C4orf50: variants seen among roughly 807,000 people sequenced by gnomAD.
The protein encoded by C4orf50 is uncharacterized protein C4orf50.
Under a neutral mutation model 77.2 loss-of-function variants are expected in C4orf50, and 80 were observed. That is an observed-to-expected ratio of 1.04 (90% CI 0.87 to 1.25). The LOEUF (loss-of-function observed/expected upper bound fraction) is 1.25. C4orf50 is among the 50% of genes most tolerant of loss of function. C4orf50 has a pLI of 0.00. For synonymous variants in C4orf50, 532 were observed against 465.3 expected (o/e 1.14, Z -1.84); for missense variants, 1,257 against 1,152.9 (o/e 1.09, Z -1.31).
chr4:5,976,475 A>G (rs997272827), intron 29 of C4orf50, among the ~76,000 whole-genome samples: 108 of 150,518 alleles, frequency 7.2e-4, no homozygotes, highest in Admixed American at 1.5e-3. Context: ...AAAAAAAAAA[A>G]AAAAAAAGAA....
Position 6,008,197 on chromosome 4 carries a change from CCGCTCGCGCT to C in C4orf50, c.752_761del (p.Glu251GlyfsTer32), listed in dbSNP as rs961790246. 4 of 398,040 alleles carry C rather than the reference CCGCTCGCGCT, an allele frequency of 1.0e-5. No homozygotes were observed. The highest frequency in any genetic ancestry group is 1.8e-5 in the Non-Finnish European group (4 of 225,572). The allele number at this position is 398,040 out of a possible 1,614,324, so 24.7% of individuals were successfully genotyped here. A position where few individuals can be genotyped will look rare whatever the true frequency, so the allele number is the denominator to read the frequency against. ...CCTGCAGGCTGCGCGCCGCCTCTTC[CCGCTCGCGCT>C]CGCTGCGCTCTGCCCTCGCCTGCAG... On this transcript the variant is annotated frameshift_variant, in exon 25 of 34. Transcript: ENST00000531445. LOFTEE classifies it high-confidence loss of function. This position sits in a 1 kb window ranked among gnomAD's most constrained non-coding sequence, Gnocchi z 6.0.
exon 28 of C4orf50, chr4:5,989,508 G>A: frequency 2.6e-6 from 4 of 1,536,132 alleles, no homozygotes; most frequent in Non-Finnish European, 3.5e-6. Flanking sequence ...CCCAGCCACT[G>A]TGCCACTTCT....
At chr4:5,935,783 C>CAAAAAAAA (rs1560550404) in intron 7 of C4orf50, among the ~76,000 whole-genome samples, 1 of 45,068 alleles carries the variant, frequency 2.2e-5, no homozygotes, top group Non-Finnish European at 3.6e-5. Context: ...GAGACTCCGT[C>CAAAAAAAA]TAAAAAAAAA....
chr4:6,004,014 T>C (rs1560598287), intron 25 of C4orf50, among the ~76,000 whole-genome samples: 1 of 118,832 alleles, frequency 8.4e-6, no homozygotes, highest in Admixed American at 8.6e-5. Context: ...GGTGATGATG[T>C]GATGGTGATA....
At chr4:5,973,690 G>A (rs766808436) in exon 31 of C4orf50, 22 of 1,613,388 alleles carry the variant, frequency 1.4e-5, no homozygotes, top group African/African-American at 5.3e-5. Context: ...GAAGGTGGCC[G>A]TGTACTCAGC....
At chr4:5,928,424 A>T (rs1209336356) in intron 7 of C4orf50, among the ~76,000 whole-genome samples, 1 of 152,088 alleles carries the variant, frequency 6.6e-6, no homozygotes, top group East Asian at 1.9e-4. Context: ...GGACAGCAGC[A>T]GCTGGGTTCC....
At chr4:5,974,144 T>G (rs1293342879) in intron 30 of C4orf50, among the ~76,000 whole-genome samples, 3 of 152,068 alleles carry the variant, frequency 2.0e-5, no homozygotes, top group Admixed American at 1.3e-4. Context: ...GTGAGCAAGC[T>G]CCCCTCTGCA....
intron 7 of C4orf50, among the ~76,000 whole-genome samples, chr4:5,907,572 C>G (rs1476005436): frequency 6.6e-6 from 1 of 152,058 alleles, no homozygotes; most frequent in Non-Finnish European, 1.5e-5. Flanking sequence ...AAACAGTAGA[C>G]TAGACACAAA....
chr4:5,974,643 G>T (rs1398965725), intron 30 of C4orf50, among the ~76,000 whole-genome samples: 1 of 152,118 alleles, frequency 6.6e-6, no homozygotes, highest in East Asian at 1.9e-4. Context: ...TCTCCACTCT[G>T]CCCTGAGGCC....
intron 25 of C4orf50, among the ~76,000 whole-genome samples, chr4:5,998,052 T>C (rs1036345521): frequency 3.3e-5 from 5 of 152,346 alleles, no homozygotes; most frequent in Non-Finnish European, 5.9e-5. Flanking sequence ...GATATATTTG[T>C]GGAAGTCAAA....
At position 5,912,256 on chromosome 4, in the gene C4orf50, C is replaced by CGTGTGTGT. The variant is rs58017259; in HGVS notation, c.*2475-14076_*2475-14069dup. 6.0e-3 allele frequency among the ~76,000 whole-genome samples: 883 copies of CGTGTGTGT among 146,408 alleles called. 10 individuals are homozygous for CGTGTGTGT. Among genetic ancestry groups the CGTGTGTGT allele is most frequent in the African/African-American group, 0.019 (741 of 39,124 alleles). On this transcript the variant is annotated intron_variant, in intron 7 of 7. Coordinates refer to the C4orf50 transcript ENST00000324058. The stretch of plus-strand genomic sequence containing the variant: ...GCCAGCTCCAGTCTAGCACTCCACT[C>CGTGTGTGT]GTGTGTGTGTGTGTGTGTGTGTGTG...
chr4:5,904,788 A>G (rs1716479466), intron 7 of C4orf50: 1 of 152,202 alleles, frequency 6.6e-6, no homozygotes, highest in Non-Finnish European at 1.5e-5. Flanking sequence ...TCCTAGCCCA[A>G]GCTTCTTCAG....
At chr4:5,991,288 A>C (rs566976374) in intron 27 of C4orf50, among the ~76,000 whole-genome samples, 25 of 152,322 alleles carry the variant, frequency 1.6e-4, no homozygotes, top group Admixed American at 3.3e-4. Flanking sequence ...AATCAAGGTT[A>C]ACATTCAGTT....
intron 28 of C4orf50, among the ~76,000 whole-genome samples, chr4:5,985,393 A>T (rs1480008457): frequency 1.3e-5 from 2 of 152,072 alleles, no homozygotes; most frequent in Non-Finnish European, 2.9e-5. Context: ...TATAACAAAA[A>T]TAAATAATAA....
intron 28 of C4orf50, among the ~76,000 whole-genome samples, 158 bp from the exon 7 acceptor site, chr4:5,980,496 G>A (rs1034027344): frequency 6.6e-6 from 1 of 152,040 alleles, no homozygotes; most frequent in Non-Finnish European, 1.5e-5. Context: ...TAGAAGATAA[G>A]GTAGCAGAAA....
At chr4:5,920,484 T>G (rs1717215061) in intron 7 of C4orf50, among the ~76,000 whole-genome samples, 1 of 150,802 alleles carries the variant, frequency 6.6e-6, no homozygotes, top group African/African-American at 2.4e-5. Flanking sequence ...GCTTTTTTTT[T>G]TTTTTTTTTT....
In C4orf50 at chr4:5,995,474, A is replaced by AACACACACACACACACAC. The variant is rs55858229; in HGVS notation, c.964-1016_964-999dup. On this transcript the variant is annotated intron_variant, in intron 25 of 33. Coordinates refer to ENST00000531445, the Ensembl canonical transcript of C4orf50. ...CACAGGGGAGAGGCTTGGGACTGGAAACACACACACACACACACACACACA... is the reference window on the plus strand; with the variant it reads ...CACAGGGGAGAGGCTTGGGACTGGAAACACACACACACACACACACACACACACACACACACACACACA... Among the ~76,000 whole-genome samples, 286 of 134,052 alleles carry AACACACACACACACACAC rather than the reference A, an allele frequency of 2.1e-3. 4 individuals are homozygous for AACACACACACACACACAC. Among genetic ancestry groups the AACACACACACACACACAC allele is most frequent in the East Asian group, 3.4e-3 (14 of 4,118 alleles). The allele number at this position is 134,052 out of a possible 152,430, so 87.9% of individuals were successfully genotyped here.
At chr4:5,980,015 GT>G (rs796334455) in intron 29 of C4orf50, among the ~76,000 whole-genome samples, 158 bp downstream of exon 7, 6 of 149,422 alleles carry the variant, frequency 4.0e-5, no homozygotes, top group African/African-American at 9.8e-5. Flanking sequence ...GTTTTTTGTT[GT>G]TTTTTTTTTC....
At chr4:5,930,503 A>T (rs1717719245) in intron 7 of C4orf50, among the ~76,000 whole-genome samples, 1 of 152,172 alleles carries the variant, frequency 6.6e-6, no homozygotes, top group Admixed American at 6.5e-5. Context: ...AGAAGAATCA[A>T]AGTGTTCAGG....
Sources: gnomAD v4.1 joint callset for allele counts (sites outside exome capture counted in the v4.1 genomes callset) on GRCh38, gnomAD v4.1.1 for gene constraint, Gnocchi (gnomAD v3.1) non-coding constraint, MANE v1.5 for transcripts, NCBI Gene and HGNC (gene_info 2026-07-23, HGNC 2026-07-21) for gene names.